Variants in PTGR2 observed in about 807,000 individuals in gnomAD.
PTGR2 encodes the protein prostaglandin reductase 2.
Under a neutral mutation model 43.4 loss-of-function variants are expected in PTGR2, and 32 were observed. That is an observed-to-expected ratio of 0.74 (90% CI 0.56 to 0.99). The LOEUF (loss-of-function observed/expected upper bound fraction) is 0.99. PTGR2 is among the 50% of genes least tolerant of loss of function. The pLI, the probability that PTGR2 is intolerant of heterozygous loss-of-function variation, is 0.00. For missense variants in PTGR2, 373 were observed against 420.0 expected (o/e 0.89, Z 0.98); for synonymous variants, 106 against 139.2 (o/e 0.76, Z 1.68).
At chr14:73,879,931 A>T in intron 6 of PTGR2, 124 bp from the exon 7 acceptor site, 2 of 902,426 alleles carry the variant, frequency 2.2e-6, no homozygotes, top group South Asian at 3.3e-5. Flanking sequence ...TAACAGGTAA[A>T]TTAAAAAAAA....
At position 73,880,052 on chromosome 14, in the gene PTGR2, C is replaced by T. The variant is rs765501121; in HGVS notation, c.730-3C>T. On this transcript the variant is annotated splice_polypyrimidine_tract_variant and splice_region_variant and intron_variant, in intron 6 of 9. Coordinates refer to ENST00000555661, the MANE Select transcript of PTGR2 (RefSeq NM_001146154.2). ...TATTTTATCATTATTTTTCTCTGTG[C>T]AGATGAATGAGAACAGCCACATCAT... 2.0e-5 allele frequency: 33 copies of T among 1,613,118 alleles called. No individual in the cohort carries two copies. The Admixed American group carries it at 5.3e-4, about 26-fold the overall frequency.
chr14:73,874,119 A>C lies in PTGR2; in HGVS notation c.253A>C (p.Ser85Arg). The C allele has an allele frequency of 6.2e-7, 1 of 1,614,064 alleles. No homozygotes were observed. ...DGGGIGIIEE[S>R]KHTNLTKGDF... Reference sequence around the variant, plus strand: ...AGGAGGTATTGGAATTATAGAAGAAAGCAAACACACAAATTTGACTAAAGG... The same window carrying C: ...AGGAGGTATTGGAATTATAGAAGAACGCAAACACACAAATTTGACTAAAGG... The change falls in exon 4 of 10, where the codon AGC becomes CGC. Residue 85 changes from serine to arginine, a missense_variant. Transcript: ENST00000555661.
At chr14:73,870,221 T>C (rs2140256068) in intron 3 of PTGR2, among the ~76,000 whole-genome samples, 1 of 139,428 alleles carries the variant, frequency 7.2e-6, no homozygotes, top group East Asian at 2.2e-4. Context: ...TGAGATAGAG[T>C]CTTGCTCTGT....
intron 1 of PTGR2, among the ~76,000 whole-genome samples, chr14:73,856,614 T>C (rs981377922): frequency 1.3e-5 from 2 of 152,210 alleles, no homozygotes; most frequent in African/African-American, 4.8e-5. Context: ...ACACAAATAC[T>C]TACCATCGTG....
chr14:73,879,695 TA>T (rs2054938998), intron 6 of PTGR2: 1 of 292,422 alleles, frequency 3.4e-6, no homozygotes, highest in Non-Finnish European at 6.5e-6. Flanking sequence ...AACAATATTA[TA>T]AAATATCAAC....
chr14:73,876,567 C>A (rs2054870830), intron 4 of PTGR2, among the ~76,000 whole-genome samples: 3 of 147,636 alleles, frequency 2.0e-5, no homozygotes, highest in Non-Finnish European at 4.5e-5. Context: ...CTGCAACCTC[C>A]TGGGTTCAAG....
At chr14:73,880,777 G>T (rs187844740) in intron 7 of PTGR2, among the ~76,000 whole-genome samples, 3 of 152,160 alleles carry the variant, frequency 2.0e-5, no homozygotes, top group African/African-American at 7.2e-5. Flanking sequence ...TAACAAATGG[G>T]GTTGTAGATA....
At chr14:73,857,959 G>A (rs12879422) in intron 1 of PTGR2, 60,828 of 151,282 alleles carry the variant, frequency 0.4, 12,795 homozygotes, top group Non-Finnish European at 0.46. Context: ...GTGAGCCACC[G>A]CGCCCAGCTG....
At chr14:73,871,926 G>C (rs528170290) in intron 3 of PTGR2, among the ~76,000 whole-genome samples, 191 of 152,212 alleles carry the variant, frequency 1.3e-3, no homozygotes, top group Non-Finnish European at 2.4e-3. Context: ...TACGTGGGAG[G>C]TGGCACACAA....
At chr14:73,870,193 C>CT (rs34746463) in intron 3 of PTGR2, among the ~76,000 whole-genome samples, 54,068 of 127,500 alleles carry the variant, frequency 0.42, 12,095 homozygotes, top group Non-Finnish European at 0.45. Context: ...CTTAAGCAAC[C>CT]TTTTTTTTTT....
intron 4 of PTGR2, among the ~76,000 whole-genome samples, chr14:73,875,498 A>G (rs2054838295): frequency 6.6e-6 from 1 of 152,038 alleles, no homozygotes; most frequent in African/African-American, 2.4e-5. Context: ...GGCGTCTACC[A>G]CCATGGCTGG....
At chr14:73,875,453 C>T (rs11621087) in intron 4 of PTGR2, among the ~76,000 whole-genome samples, 55,751 of 151,802 alleles carry the variant, frequency 0.37, 10,997 homozygotes, top group Non-Finnish European at 0.43. Context: ...TCAAGCGATT[C>T]TCCTGCCTCA....
chr14:73,863,957 C>A (rs2054549253), intron 3 of PTGR2, among the ~76,000 whole-genome samples: 1 of 152,066 alleles, frequency 6.6e-6, no homozygotes, highest in African/African-American at 2.4e-5. Context: ...AAGGTCACCT[C>A]TTGCTATGAG....
At chr14:73,866,584 G>A (rs2054600493) in intron 3 of PTGR2, among the ~76,000 whole-genome samples, 1 of 152,128 alleles carries the variant, frequency 6.6e-6, no homozygotes, top group African/African-American at 2.4e-5. Flanking sequence ...AATTTGGGGA[G>A]TATTGTCTTC....
intron 7 of PTGR2, among the ~76,000 whole-genome samples, chr14:73,880,597 A>C (rs932669766): frequency 1.5e-5 from 2 of 131,788 alleles, no homozygotes; most frequent in Admixed American, 7.6e-5. Flanking sequence ...CAAAAAAAAA[A>C]AAACAAAAAA....
At chr14:73,879,780 A>G in intron 6 of PTGR2, 1 of 381,436 alleles carries the variant, frequency 2.6e-6, no homozygotes, top group Admixed American at 4.0e-5. Context: ...AATTGTTTAA[A>G]TCCAAAAAAA....
intron 3 of PTGR2, among the ~76,000 whole-genome samples, chr14:73,866,255 C>T (rs975519122): frequency 3.3e-5 from 5 of 152,096 alleles, no homozygotes; most frequent in South Asian, 2.1e-4. Context: ...CCACCCACCT[C>T]GGCCTCCGAA....
rs527486673 is a variant in PTGR2, at chr14:73,884,909, T to C, written c.*732T>C. The C allele has an allele frequency of 3.9e-5, 6 of 152,168 alleles. No individual in the cohort carries two copies. The highest frequency in any genetic ancestry group is 6.5e-5 in the Admixed American group (1 of 15,280). 9.4% of individuals were successfully genotyped at this position (152,168 alleles called of 1,614,324 possible). ...AACTCCATATATATTGAGAAAAGCA[T>C]ATGTTTATTTTAGGTTAGCAGGCAC... On this transcript the variant is annotated 3_prime_UTR_variant, in exon 10 of 10. Transcript: ENST00000555661.
chr14:73,882,336 G>A (rs2055009287), intron 8 of PTGR2, 63 bp from the exon 9 acceptor site: 17 of 1,026,620 alleles, frequency 1.7e-5, no homozygotes, highest in Non-Finnish European at 2.5e-5. Context: ...TGTAAGTATG[G>A]AAACTATCAT....
Sources: gnomAD v4.1 joint callset for allele counts (sites outside exome capture counted in the v4.1 genomes callset) on GRCh38, gnomAD v4.1.1 for gene constraint, MANE v1.5 for transcripts, NCBI Gene and HGNC (gene_info 2026-07-23, HGNC 2026-07-21) for gene names.